Variants in SFSWAP observed in about 807,000 individuals in gnomAD.
SFSWAP encodes splicing factor, suppressor of white-apricot homolog.
Under a neutral mutation model 100.7 loss-of-function variants are expected in SFSWAP, and 17 were observed. The ratio of observed to expected loss-of-function variants is 0.17; its 90% CI spans 0.12 to 0.25. The LOEUF is 0.25. Ranked by LOEUF, SFSWAP falls within the 10% of genes least tolerant of loss-of-function variation. The pLI is 1.00. For synonymous variants in SFSWAP, 504 were observed against 510.1 expected (o/e 0.99, Z 0.16); for missense variants, 1,005 against 1,262.6 (o/e 0.80, Z 3.09).
chr12:131,728,702 CTTT>C (rs767892575), intron 7 of SFSWAP, among the ~76,000 whole-genome samples: 3 of 139,090 alleles, frequency 2.2e-5, no homozygotes, highest in African/African-American at 2.6e-5. Flanking sequence ...GCCCTTCTTT[CTTT>C]TTTTTTTTTT....
At chr12:131,771,886 C>G (rs1883644133) in intron 13 of SFSWAP, among the ~76,000 whole-genome samples, 1 of 152,142 alleles carries the variant, frequency 6.6e-6, no homozygotes, top group Non-Finnish European at 1.5e-5. Flanking sequence ...TGGTCTCAAT[C>G]TCTTGACCTC....
In SFSWAP at chr12:131,728,440, CTG is replaced by C. The variant is rs747147320; in HGVS notation, c.1081+16_1081+17del. 11 of 1,613,552 alleles carry C rather than the reference CTG, an allele frequency of 6.8e-6. No individual in the cohort carries two copies. The Admixed American group carries it at 1.8e-4, about 27-fold the overall frequency. On this transcript the variant is annotated intron_variant, in intron 7 of 17. Coordinates refer to ENST00000261674, the MANE Select transcript of SFSWAP (RefSeq NM_004592.4). ...GTACACGGCAGACTGTGAGTACTCACTGTGTATGTCCTGACCTGTGTTCAGCT... is the reference window on the plus strand; with the variant it reads ...GTACACGGCAGACTGTGAGTACTCACTGTATGTCCTGACCTGTGTTCAGCT...
At position 131,797,272 on chromosome 12, in the gene SFSWAP, C is replaced by T; in HGVS notation, c.2629C>T (p.Pro877Ser). 1.9e-6 allele frequency: 3 copies of T among 1,612,396 alleles called. No individual in the cohort carries two copies. Among genetic ancestry groups the T allele is most frequent in the South Asian group, 1.1e-5 (1 of 91,034 alleles). The change falls in exon 16 of 18, where the codon CCC becomes TCC. Residue 877 changes from proline (P) to serine (S), a missense_variant. Around this residue, in one of 7 missense-constraint regions of SFSWAP, gnomAD observed 295 missense variants for 347.9 expected, o/e 0.85. Transcript: ENST00000261674. The part of the protein sequence containing the change: ...QSVSPSKQAA[P>S]RPAAPAAHSA... ...GGTGTCACCCAGCAAGCAGGCAGCGCCCCGGCCCGCGGCCCCCGCGGCCCA... is the reference window on the plus strand; with the variant it reads ...GGTGTCACCCAGCAAGCAGGCAGCGTCCCGGCCCGCGGCCCCCGCGGCCCA...
At position 131,778,456 on chromosome 12, in the gene SFSWAP, A is replaced by G. The variant is rs544450255; in HGVS notation, c.2408+126A>G. 45 of 1,381,396 alleles carry G rather than the reference A, an allele frequency of 3.3e-5. No individual in the cohort carries two copies. In the African/African-American group the frequency reaches 5.4e-4, roughly 16 times the overall value. 85.6% of individuals were successfully genotyped at this position (1,381,396 alleles called of 1,614,324 possible). On this transcript the variant is annotated intron_variant, in intron 14 of 17. Coordinates refer to ENST00000261674, the MANE Select transcript of SFSWAP (RefSeq NM_004592.4). The surrounding 1 kb of genome is among the most constrained non-coding windows in gnomAD (Gnocchi z 4.2). ...TTTCATTAAGCAGACGCGTGTATGC[A>G]TGTGCATGTGTGCCCTGCAAGTCCA...
chr12:131,799,523 G>A lies in SFSWAP; in HGVS notation c.*35G>A, dbSNP rs375968082. 7.9e-5 allele frequency: 127 copies of A among 1,599,484 alleles called. 4 individuals are homozygous for A. In the South Asian group the frequency reaches 9.3e-4, roughly 12 times the overall value. On this transcript the variant is annotated 3_prime_UTR_variant, in exon 18 of 18. Transcript: ENST00000261674. ...AGCGGAGGCAGAGCCGGGAGGCTGC[G>A]TGGGCTTCTGGGCAGGCTCACGCAG...
intron 7 of SFSWAP, among the ~76,000 whole-genome samples, chr12:131,748,460 T>C (rs1419138114): frequency 1.3e-5 from 2 of 152,190 alleles, no homozygotes; most frequent in African/African-American, 4.8e-5. Flanking sequence ...CTGGCCAGCC[T>C]ATTTTCATTC....
chr12:131,715,035 A>C (rs1414183082), intron 3 of SFSWAP, 82 bp downstream of exon 3: 1 of 1,435,622 alleles, frequency 7.0e-7, no homozygotes, highest in Admixed American at 1.7e-5. Flanking sequence ...CAGTCTGCAG[A>C]ACACATCTCT....
At chr12:131,729,347 T>TA (rs1042179335) in intron 7 of SFSWAP, among the ~76,000 whole-genome samples, 7 of 150,844 alleles carry the variant, frequency 4.6e-5, no homozygotes, top group South Asian at 2.1e-4. Flanking sequence ...TGACAAAAAA[T>TA]AAAAAAAAAT....
chr12:131,786,381 G>C, intron 14 of SFSWAP, 82 bp from the exon 15 acceptor site: 17 of 1,482,002 alleles, frequency 1.1e-5, no homozygotes, highest in Non-Finnish European at 1.4e-5. Flanking sequence ...GACGGGGCCT[G>C]ATCTCTGCCA....
chr12:131,732,267 C>T lies in SFSWAP; in HGVS notation c.1081+3839C>T, dbSNP rs555290832. 3.6e-4 allele frequency among the ~76,000 whole-genome samples: 55 copies of T among 152,274 alleles called. No homozygotes were observed. In the Middle Eastern group the frequency reaches 0.01, roughly 28 times the overall value. ...TACAAAGTTCATAGAATAACTGTAA[C>T]GTTTGCAATGCCGGACAGTGAGGGC... On this transcript the variant is annotated intron_variant, in intron 7 of 17. Transcript: ENST00000261674.
At chr12:131,731,410 G>A (rs1025994756) in intron 7 of SFSWAP, among the ~76,000 whole-genome samples, 7 of 152,344 alleles carry the variant, frequency 4.6e-5, no homozygotes, top group Non-Finnish European at 2.9e-5. Context: ...GTGGGTGAAA[G>A]TCCCTCATGA....
chr12:131,759,155 A>T (rs1258258387), intron 11 of SFSWAP, among the ~76,000 whole-genome samples: 1 of 152,238 alleles, frequency 6.6e-6, no homozygotes, highest in Non-Finnish European at 1.5e-5. Flanking sequence ...GAGAACATAT[A>T]TTATTTTAAA....
Position 131,714,058 on chromosome 12 carries a change from G to C in SFSWAP, c.219-13G>C. The C allele has an allele frequency of 6.2e-7, 1 of 1,609,830 alleles. No individual in the cohort carries two copies. The highest frequency in any genetic ancestry group is 1.3e-5 in the African/African-American group (1 of 74,922). On this transcript the variant is annotated splice_polypyrimidine_tract_variant and intron_variant, in intron 1 of 17. Transcript: ENST00000261674. The surrounding 1 kb of genome is among the most constrained non-coding windows in gnomAD (Gnocchi z 6.0). ...TTAATTTCCTTTTATTGACCAGCTT[G>C]TTCACATTACAGATATGATGGACGT...
At position 131,768,237 on chromosome 12, in the gene SFSWAP, C is replaced by T. The variant is rs150135362; in HGVS notation, c.2142+1929C>T. ...TCACTTCCTCTGCAGGCCGCAGCCACGTTGCTCCAAGTGGCCCCACGTGTC... is the reference window on the plus strand; with the variant it reads ...TCACTTCCTCTGCAGGCCGCAGCCATGTTGCTCCAAGTGGCCCCACGTGTC... On this transcript the variant is annotated intron_variant, in intron 13 of 17. Transcript: ENST00000261674. Among the ~76,000 whole-genome samples the T allele has an allele frequency of 3.2e-4, 49 of 152,344 alleles. No homozygotes were observed. In the East Asian group the frequency reaches 7.3e-3, roughly 23 times the overall value.
chr12:131,776,351 AT>A (rs1884025341), intron 13 of SFSWAP, among the ~76,000 whole-genome samples: 2 of 152,168 alleles, frequency 1.3e-5, no homozygotes, highest in African/African-American at 4.8e-5. Context: ...AGGGAGGGGC[AT>A]TAGAGAGCAC....
At chr12:131,769,120 CCTT>C (rs929636393) in intron 13 of SFSWAP, among the ~76,000 whole-genome samples, 1 of 68,760 alleles carries the variant, frequency 1.5e-5, no homozygotes, top group African/African-American at 3.2e-5. Context: ...GAGCGAGACT[CCTT>C]CTCAAAAAAA....
Position 131,741,413 on chromosome 12 carries a change from A to C in SFSWAP, c.1082-11710A>C, listed in dbSNP as rs1022519185. ...CACTTTGGGAGGCCAAGGTGGGTGG[A>C]TCTCTTGAGCTCAGGAGGTCAAGAC... is the stretch of plus-strand genomic sequence containing the variant. On this transcript the variant is annotated intron_variant, in intron 7 of 17. Transcript: ENST00000261674. 3.3e-5 allele frequency among the ~76,000 whole-genome samples: 5 copies of C among 152,184 alleles called. No individual in the cohort carries two copies. In the East Asian group the frequency reaches 9.6e-4, roughly 29 times the overall value.
intron 7 of SFSWAP, among the ~76,000 whole-genome samples, chr12:131,751,635 G>A (rs545799162): frequency 3.3e-5 from 5 of 152,382 alleles, no homozygotes; most frequent in South Asian, 2.1e-4. Context: ...TCTTACAGAA[G>A]CACATGCTTA....
At chr12:131,786,719 C>T (rs1157851978) in intron 15 of SFSWAP, 131 bp downstream of exon 15, 6 of 877,008 alleles carry the variant, frequency 6.8e-6, no homozygotes, top group South Asian at 1.8e-5. Flanking sequence ...TCCCCCACCA[C>T]CCCCCCACCC....
Sources: allele counts gnomAD v4.1 joint callset (sites outside exome capture counted in the v4.1 genomes callset), GRCh38; gene constraint gnomAD v4.1.1; regional missense constraint gnomAD v4.1.1; non-coding constraint Gnocchi (gnomAD v3.1); transcripts MANE v1.5; gene names NCBI Gene and HGNC (gene_info 2026-07-23, HGNC 2026-07-21).